Variants in MED1 observed in about 807,000 individuals in gnomAD.
MED1 encodes the protein mediator complex subunit 1.
MED1 carries 17 observed loss-of-function variants against 121.3 expected under a neutral mutation model. The ratio of observed to expected loss-of-function variants is 0.14; its 90% CI spans 0.10 to 0.21. The LOEUF (loss-of-function observed/expected upper bound fraction) is 0.21. Among genes scored for constraint, MED1 ranks in the 10% least tolerant of loss-of-function variants. The probability of loss-of-function intolerance (pLI) is 1.00; values close to 1 mark genes in which losing one functional copy is unlikely to be tolerated. For missense variants in MED1, 1,558 were observed against 1,919.4 expected (o/e 0.81, Z 3.52); for synonymous variants, 661 against 694.4 (o/e 0.95, Z 0.76).
intron 1 of MED1, among the ~76,000 whole-genome samples, chr17:39,448,353 G>A (rs2048748629): frequency 6.6e-6 from 1 of 150,432 alleles, no homozygotes; most frequent in Non-Finnish European, 1.5e-5. Flanking sequence ...ATGGGCAACA[G>A]AGCGAAACAC....
chr17:39,440,765 A>G lies in MED1; in HGVS notation c.212-88T>C. ...TAAGACAGAAAGATTCATCCTTCCA[A>G]AACCGTAAACATATTCAGTAGTTCA... On this transcript the variant is annotated intron_variant, in intron 3 of 16. Transcript: ENST00000300651. This position sits in a 1 kb window ranked among gnomAD's most constrained non-coding sequence, Gnocchi z 4.1. The G allele has an allele frequency of 8.0e-7, 1 of 1,254,058 alleles. No individual in the cohort carries two copies. Among genetic ancestry groups the G allele is most frequent in the Non-Finnish European group, 1.1e-6 (1 of 874,878 alleles). The allele number at this position is 1,254,058 out of a possible 1,614,324, so 77.7% of individuals were successfully genotyped here. A position where few individuals can be genotyped will look rare whatever the true frequency, so the allele number is the denominator to read the frequency against.
chr17:39,422,678 G>A (rs925162984), intron 13 of MED1, among the ~76,000 whole-genome samples: 1 of 151,094 alleles, frequency 6.6e-6, no homozygotes, highest in Non-Finnish European at 1.5e-5. Context: ...GTTTCACCAT[G>A]TTATCCAGGC....
chr17:39,410,131 G>C lies in MED1; in HGVS notation c.2090C>G (p.Pro697Arg), dbSNP rs1170487626. 6.2e-7 allele frequency: 1 copy of C among 1,614,038 alleles called. No individual in the cohort carries two copies. Among genetic ancestry groups the C allele is most frequent in the African/African-American group, 1.3e-5 (1 of 74,914 alleles). ...TKKKKSSRLP[P>R]EKPKHQTEDD... ...TTCAGTCTGGTGCTTTGGTTTCTCAGGTGGTAATCTTGATGACTTCTTTTT... is the reference window on the plus strand; with the variant it reads ...TTCAGTCTGGTGCTTTGGTTTCTCACGTGGTAATCTTGATGACTTCTTTTT... Residue 697 changes from proline to arginine, a missense_variant, in exon 17 of 17, where the codon CCT becomes CGT. Pro to Arg is a moderately radical substitution (Grantham distance 103). This residue lies in a region of MED1 where 793 missense variants were observed against 898.2 expected (regional missense o/e 0.88). Transcript: ENST00000300651.
intron 14 of MED1, among the ~76,000 whole-genome samples, chr17:39,417,956 T>TA (rs1385434962): frequency 6.6e-6 from 1 of 151,234 alleles, no homozygotes; most frequent in African/African-American, 2.4e-5. Context: ...CCATCTCTAC[T>TA]AAAAAAAATT....
chr17:39,420,944 C>G (rs990488755), intron 13 of MED1, among the ~76,000 whole-genome samples: 1 of 151,464 alleles, frequency 6.6e-6, no homozygotes, highest in African/African-American at 2.4e-5. Context: ...TACAGGCGCC[C>G]GCCACCACAC....
At chr17:39,438,431 C>T (rs1323683378) in intron 6 of MED1, among the ~76,000 whole-genome samples, 1 of 150,810 alleles carries the variant, frequency 6.6e-6, no homozygotes, top group African/African-American at 2.4e-5. Flanking sequence ...GCAAGCTCCG[C>T]TCCCAGGTTC....
rs1167203051 is a variant in MED1 at position 39,404,445 on chromosome 17, G to T, written c.*3030C>A. 4.6e-5 allele frequency: 7 copies of T among 152,170 alleles called. No homozygotes were observed. The highest frequency in any genetic ancestry group is 1.5e-5 in the Non-Finnish European group (1 of 67,946). 9.4% of individuals were successfully genotyped at this position (152,170 alleles called of 1,614,324 possible). ...TATGCACAGAAAACCAAATTTGAAA[G>T]ATTTTTTTAAAAAAAGACCCTCCCC... On this transcript the variant is annotated 3_prime_UTR_variant, in exon 17 of 17. Coordinates refer to ENST00000300651, the MANE Select transcript of MED1 (RefSeq NM_004774.4).
At chr17:39,439,985 A>AGAAGGAAGGAAG (rs1172811100) in intron 5 of MED1, among the ~76,000 whole-genome samples, 74 of 125,686 alleles carry the variant, frequency 5.9e-4, no homozygotes, top group Middle Eastern at 3.7e-3. Flanking sequence ...AAAGAAAGAA[A>AGAAGGAAGGAAG]GAAGGAAGGA....
In MED1 at chr17:39,410,147, ACTT is replaced by A; in HGVS notation, c.2071_2073del (p.Lys691del). On this transcript the variant is annotated inframe_deletion, in exon 17 of 17. Coordinates refer to ENST00000300651, the MANE Select transcript of MED1 (RefSeq NM_004774.4). ...GGTTTCTCAGGTGGTAATCTTGATG[ACTT>A]CTTTTTCTTGGTCTTGTTGCTCCCC... 6.2e-7 allele frequency: 1 copy of A among 1,613,904 alleles called. No homozygotes were observed. The highest frequency in any genetic ancestry group is 2.2e-5 in the East Asian group (1 of 44,870).
At chr17:39,430,598 C>G (rs568415185) in intron 9 of MED1, among the ~76,000 whole-genome samples, 1 of 150,904 alleles carries the variant, frequency 6.6e-6, no homozygotes, top group African/African-American at 2.4e-5. Flanking sequence ...GAGGCTGAGG[C>G]AGGAGAATGG....
rs750874855 is a variant in MED1 at position 39,419,799 on chromosome 17, A to T, written c.1215T>A (p.Pro405=). The change falls in exon 14 of 17, where the codon CCT becomes CCA. Residue 405 remains proline, a synonymous_variant. Transcript: ENST00000300651. ...KITFQHPGRV[P]LILNLIRHQV... Reference sequence around the variant, plus strand: ...GGTGTCTGATCAGATTTAGGATAAGAGGAACTCGGCCAGGGTGCTGAAAGG... The same window carrying T: ...GGTGTCTGATCAGATTTAGGATAAGTGGAACTCGGCCAGGGTGCTGAAAGG... The T allele has an allele frequency of 1.9e-5, 31 of 1,614,024 alleles. 1 individual carries two copies. In the South Asian group the frequency reaches 3.4e-4, roughly 18 times the overall value.
intron 16 of MED1, among the ~76,000 whole-genome samples, chr17:39,414,056 G>A (rs559388578): frequency 2.0e-5 from 3 of 151,444 alleles, no homozygotes; most frequent in African/African-American, 4.8e-5. Context: ...GTGAAACCCC[G>A]TCTCTACTAA....
At chr17:39,439,258 G>A in intron 5 of MED1, 65 bp from the exon 6 acceptor site, 1 of 1,302,802 alleles carries the variant, frequency 7.7e-7, no homozygotes, top group Non-Finnish European at 1.1e-6. Flanking sequence ...GATATCAAAA[G>A]CCTTTCTCTT....
chr17:39,451,122 C>G lies in MED1; in HGVS notation c.-60G>C. ...AGGATAAGCCCTTCCCCACCACTAACGGAGGAAACAAGTTGGCTCGGGATC... is the reference window on the plus strand; with the variant it reads ...AGGATAAGCCCTTCCCCACCACTAAGGGAGGAAACAAGTTGGCTCGGGATC... On this transcript the variant is annotated 5_prime_UTR_variant, in exon 1 of 17. Coordinates refer to ENST00000300651, the MANE Select transcript of MED1 (RefSeq NM_004774.4). The G allele has an allele frequency of 6.3e-7, 1 of 1,593,896 alleles. No individual in the cohort carries two copies. Among genetic ancestry groups the G allele is most frequent in the Non-Finnish European group, 8.6e-7 (1 of 1,168,172 alleles).
At chr17:39,430,041 C>T (rs575902985) in intron 9 of MED1, among the ~76,000 whole-genome samples, 6 of 152,046 alleles carry the variant, frequency 3.9e-5, no homozygotes, top group African/African-American at 9.7e-5. Context: ...CATGATTGCA[C>T]GACTGCACTC....
chr17:39,435,431 G>A (rs1366605688), intron 6 of MED1, among the ~76,000 whole-genome samples: 3 of 151,952 alleles, frequency 2.0e-5, no homozygotes, highest in Non-Finnish European at 2.9e-5. Context: ...TTGTGGATAG[G>A]TTTAGGAATC....
intron 6 of MED1, among the ~76,000 whole-genome samples, chr17:39,435,743 T>G (rs532193854): frequency 1.3e-5 from 2 of 152,198 alleles, no homozygotes; most frequent in East Asian, 3.9e-4. Context: ...TCGTCCAGGC[T>G]GGAGTCCGAT....
chr17:39,446,169 T>C (rs2048725037), intron 2 of MED1, among the ~76,000 whole-genome samples: 1 of 151,798 alleles, frequency 6.6e-6, no homozygotes, highest in Non-Finnish European at 1.5e-5. Flanking sequence ...AACCTATTTC[T>C]GGCTAAGCGC....
At chr17:39,430,674 C>A (rs1343711757) in intron 9 of MED1, among the ~76,000 whole-genome samples, 1 of 128,730 alleles carries the variant, frequency 7.8e-6, no homozygotes, top group Non-Finnish European at 1.6e-5. Context: ...GCCTGGGCAA[C>A]AGAGCAAGAC....
Sources: gnomAD v4.1 joint callset for allele counts (sites outside exome capture counted in the v4.1 genomes callset) on GRCh38, gnomAD v4.1.1 for gene constraint, gnomAD v4.1.1 regional missense constraint, Gnocchi (gnomAD v3.1) non-coding constraint, MANE v1.5 for transcripts, NCBI Gene and HGNC (gene_info 2026-07-23, HGNC 2026-07-21) for gene names.